The following ABCA4 variants were observed in gnomAD, a reference collection of about 807,000 sequenced individuals.
ABCA4 encodes the protein ATP binding cassette subfamily A member 4, also known as retinal-specific phospholipid-transporting ATPase ABCA4.
In ABCA4, 196 loss-of-function variants were observed where a neutral mutation model predicts 263.7. The ratio of observed to expected loss-of-function variants is 0.74; its 90% CI spans 0.66 to 0.84. The LOEUF (loss-of-function observed/expected upper bound fraction) is 0.84. Ranked by LOEUF, ABCA4 falls within the 40% of genes least tolerant of loss-of-function variation. The pLI is 0.00. For missense variants in ABCA4, 2,792 were observed against 2,855.1 expected, an observed-to-expected ratio of 0.98 and a Z score of 0.50; for synonymous variants, 1,133 against 1,094.2, an observed-to-expected ratio of 1.04 and a Z score of -0.70.
At chr1:94,061,752 C>T (rs78527797) in intron 13 of ABCA4, among the ~76,000 whole-genome samples, 2,815 of 152,306 alleles carry the variant, frequency 0.018, 69 homozygotes, top group Admixed American at 0.052. Context: ...GCCTATTGTC[C>T]GAACCCAAAC....
intron 6 of ABCA4, among the ~76,000 whole-genome samples, chr1:94,097,482 C>T (rs527522221): frequency 2.0e-5 from 3 of 152,202 alleles, no homozygotes; most frequent in South Asian, 2.1e-4. Flanking sequence ...CTGACATTCC[C>T]TACAACACAG....
intron 13 of ABCA4, among the ~76,000 whole-genome samples, chr1:94,061,955 AC>A (rs1249454181): frequency 6.6e-6 from 1 of 151,424 alleles, no homozygotes; most frequent in East Asian, 1.9e-4. Flanking sequence ...CCAACCCTCC[AC>A]CCCGGCCCTT....
intron 24 of ABCA4, among the ~76,000 whole-genome samples, chr1:94,037,672 C>G (rs1660381233): frequency 6.6e-6 from 1 of 152,174 alleles, no homozygotes; most frequent in Non-Finnish European, 1.5e-5. Context: ...AATGCTCTGT[C>G]CCCTCAAACT....
intron 30 of ABCA4, among the ~76,000 whole-genome samples, chr1:94,027,054 G>A (rs1660060585): frequency 6.6e-6 from 1 of 151,822 alleles, no homozygotes; most frequent in South Asian, 2.1e-4. Flanking sequence ...CAGAGAGATT[G>A]AGAGAGAAAG....
chr1:94,021,177 A>G, intron 35 of ABCA4, 63 bp downstream of exon 35: 1 of 1,606,964 alleles, frequency 6.2e-7, no homozygotes, highest in Non-Finnish European at 8.5e-7. Flanking sequence ...GAATCCTCTC[A>G]GGATGTTCAA....
intron 26 of ABCA4, among the ~76,000 whole-genome samples, chr1:94,035,851 T>C (rs747210325): frequency 6.6e-5 from 10 of 152,158 alleles, no homozygotes. Context: ...CACTCACACA[T>C]GCTTTGTGTG....
At chr1:94,036,283 T>A (rs1199030671) in intron 26 of ABCA4, among the ~76,000 whole-genome samples, 1 of 150,044 alleles carries the variant, frequency 6.7e-6, no homozygotes, top group African/African-American at 2.5e-5. Flanking sequence ...CCTTTGTCAC[T>A]CAAAGCCATC....
chr1:94,115,750 G>A (rs1008717520), intron 1 of ABCA4, among the ~76,000 whole-genome samples: 3 of 152,220 alleles, frequency 2.0e-5, no homozygotes, highest in Non-Finnish European at 2.9e-5. Flanking sequence ...CAGGGTTGTC[G>A]CAAGATCACA....
intron 3 of ABCA4, among the ~76,000 whole-genome samples, chr1:94,109,257 C>G (rs1287492329): frequency 3.3e-5 from 5 of 152,290 alleles, no homozygotes; most frequent in Non-Finnish European, 7.4e-5. Context: ...CTCTCGGTCC[C>G]ATGCTCTGTG....
At chr1:94,029,304 G>A (rs1660131629) in intron 30 of ABCA4, 141 bp downstream of exon 30, 2 of 815,120 alleles carry the variant, frequency 2.5e-6, no homozygotes, top group Non-Finnish European at 3.7e-6. Flanking sequence ...CCTCCCAGAG[G>A]GTGCAGGGAG....
At chr1:94,040,022 T>A in intron 24 of ABCA4, 21 bp downstream of exon 24, 2 of 1,581,686 alleles carry the variant, frequency 1.3e-6, no homozygotes, top group Non-Finnish European at 1.7e-6. Flanking sequence ...GGAACCCAAG[T>A]ATGGCCCGTC....
chr1:94,060,799 G>C (rs767600552), intron 13 of ABCA4, 40 bp from the exon 14 acceptor site: 1 of 1,452,712 alleles, frequency 6.9e-7, no homozygotes, highest in Non-Finnish European at 9.5e-7. Context: ...AGAGTGCTCT[G>C]TACCTGGTAG....
chr1:94,079,559 C>T (rs1661633719), intron 8 of ABCA4, 98 bp from the exon 9 acceptor site: 1 of 1,559,478 alleles, frequency 6.4e-7, no homozygotes, highest in East Asian at 2.2e-5. Context: ...CATTCAACTC[C>T]ATGCTGGAGG....
chr1:94,068,139 T>C (rs1181815872), intron 11 of ABCA4, among the ~76,000 whole-genome samples: 1 of 152,176 alleles, frequency 6.6e-6, no homozygotes, highest in Admixed American at 6.5e-5. Context: ...AACAATGCTA[T>C]GGACAGATGC....
At chr1:94,032,090 C>A in intron 26 of ABCA4, 47 bp from the exon 27 acceptor site, 1 of 1,600,496 alleles carries the variant, frequency 6.2e-7, no homozygotes, top group South Asian at 1.1e-5. Flanking sequence ...CCTATAAGGT[C>A]TGGATCTCTA....
rs191648574 is a variant in ABCA4, at chr1:94,022,029, G to A, written c.4668-78C>T. The A allele has an allele frequency of 9.6e-5, 119 of 1,244,398 alleles. 1 individual carries two copies. The African/African-American group carries it at 1.7e-3, about 18-fold the overall frequency. 77.1% of individuals were successfully genotyped at this position (1,244,398 alleles called of 1,614,324 possible). A position where few individuals can be genotyped will look rare whatever the true frequency, so the allele number is the denominator to read the frequency against. On this transcript the variant is annotated intron_variant, in intron 32 of 49. Coordinates refer to ENST00000370225, the MANE Select transcript of ABCA4 (RefSeq NM_000350.3). Reference sequence around the variant, plus strand: ...TAGTAGCTCTCTCGGGTTTTGTAGGGAAACATGAACTTTCGGGGGAATTGC... The same window carrying A: ...TAGTAGCTCTCTCGGGTTTTGTAGGAAAACATGAACTTTCGGGGGAATTGC...
intron 3 of ABCA4, among the ~76,000 whole-genome samples, chr1:94,110,355 CA>C (rs1400031055): frequency 1.3e-5 from 2 of 152,214 alleles, no homozygotes; most frequent in Non-Finnish European, 1.5e-5. Context: ...AGGCCACCTC[CA>C]ATCATTAGGT....
At chr1:94,080,758 T>TTA (rs1661674816) in intron 7 of ABCA4, 40 bp from the exon 8 acceptor site, 1 of 1,613,862 alleles carries the variant, frequency 6.2e-7, no homozygotes, top group East Asian at 2.2e-5. Context: ...TTAAGGCAGC[T>TTA]AGAGTCATAA....
chr1:94,115,510 G>A (rs1340902863), intron 1 of ABCA4, among the ~76,000 whole-genome samples: 1 of 152,152 alleles, frequency 6.6e-6, no homozygotes, highest in Non-Finnish European at 1.5e-5. Flanking sequence ...GTTACTCTGA[G>A]GTCAAGTTAC....
Sources: gnomAD v4.1 joint callset for allele counts (sites outside exome capture counted in the v4.1 genomes callset) on GRCh38, gnomAD v4.1.1 for gene constraint, MANE v1.5 for transcripts, NCBI Gene and HGNC (gene_info 2026-07-23, HGNC 2026-07-21) for gene names.